The following GNG7 variants were observed in gnomAD, a reference collection of about 807,000 sequenced individuals.
GNG7 encodes the protein guanine nucleotide-binding protein G(I)/G(S)/G(O) subunit gamma-7.
GNG7 carries 1 observed loss-of-function variant against 4.0 expected under a neutral mutation model. The ratio of observed to expected loss-of-function variants is 0.25; its 90% CI spans 0.09 to 1.18. GNG7 has a LOEUF of 1.18. Ranked by LOEUF, GNG7 falls within the 50% of genes most tolerant of loss-of-function variation. GNG7 has a pLI of 0.50. For missense variants in GNG7, 86 were observed against 91.9 expected, an observed-to-expected ratio of 0.94 and a Z score of 0.26; for synonymous variants, 34 against 36.9, an observed-to-expected ratio of 0.92 and a Z score of 0.29.
rs1289376167 is a variant in GNG7 at position 2,700,905 on chromosome 19, T to C, written c.-135+1741A>G. 2.0e-5 allele frequency: 3 copies of C among 152,234 alleles called. No individual in the cohort carries two copies. The East Asian group carries it at 5.8e-4, about 29-fold the overall frequency. 9.4% of individuals were successfully genotyped at this position (152,234 alleles called of 1,614,324 possible). On this transcript the variant is annotated intron_variant, in intron 1 of 4. Coordinates refer to ENST00000382159, the MANE Select transcript of GNG7 (RefSeq NM_052847.3). ...TTGCCTCGCTGACACCTAGCAACCG[T>C]GTGAAGACGCTTAGCTGGGGATCCG...
intron 1 of GNG7, among the ~76,000 whole-genome samples, chr19:2,670,295 T>C (rs1468703): frequency 0.33 from 50,232 of 152,036 alleles, 8,486 homozygotes; most frequent in East Asian, 0.53. Flanking sequence ...CCAGTGGGGA[T>C]AGACCCACCC....
At chr19:2,582,179 A>G (rs1401698734) in intron 2 of GNG7, among the ~76,000 whole-genome samples, 1 of 152,108 alleles carries the variant, frequency 6.6e-6, no homozygotes, top group African/African-American at 2.4e-5. Context: ...AAAGGATGAA[A>G]TTTGAATCAG....
chr19:2,608,155 G>A (rs761225825), intron 2 of GNG7, among the ~76,000 whole-genome samples: 1 of 151,870 alleles, frequency 6.6e-6, no homozygotes, highest in Non-Finnish European at 1.5e-5. Flanking sequence ...TCATGACACA[G>A]AGCGTGGCAC....
chr19:2,609,185 C>A lies in GNG7; in HGVS notation c.-78+37039G>T, dbSNP rs1328733813. Among the ~76,000 whole-genome samples, 1 of 152,064 alleles carries A rather than the reference C, an allele frequency of 6.6e-6. No homozygotes were observed. The highest frequency in any genetic ancestry group is 1.5e-5 in the Non-Finnish European group (1 of 68,018). Reference sequence around the variant, plus strand: ...GGGATTACAGGCATGCACCACCACACCTGGCTAATTTTTAATTTTTCGTAG... The same window carrying A: ...GGGATTACAGGCATGCACCACCACAACTGGCTAATTTTTAATTTTTCGTAG... On this transcript the variant is annotated intron_variant, in intron 2 of 4. Transcript: ENST00000382159. This position sits in a 1 kb window ranked among gnomAD's most constrained non-coding sequence, Gnocchi z 4.4.
At chr19:2,675,714 C>T (rs117267647) in intron 1 of GNG7, among the ~76,000 whole-genome samples, 10,124 of 152,144 alleles carry the variant, frequency 0.067, 434 homozygotes, top group Middle Eastern at 0.18. Flanking sequence ...GGTCTGAGGA[C>T]ATCTGTGGTT....
chr19:2,664,314 AAT>A (rs1983250048), intron 1 of GNG7, among the ~76,000 whole-genome samples: 1 of 152,152 alleles, frequency 6.6e-6, no homozygotes, highest in Non-Finnish European at 1.5e-5. Context: ...CAACCATCTA[AAT>A]ATGTCACCAG....
chr19:2,657,322 AG>A (rs1983000017), intron 1 of GNG7, among the ~76,000 whole-genome samples: 1 of 123,736 alleles, frequency 8.1e-6, no homozygotes, highest in Non-Finnish European at 1.6e-5. Context: ...TGACAAAGCA[AG>A]ACCCCGTCTC....
chr19:2,604,598 C>T (rs993622864), intron 2 of GNG7, among the ~76,000 whole-genome samples: 22 of 122,424 alleles, frequency 1.8e-4, no homozygotes, highest in African/African-American at 7.8e-4. Flanking sequence ...AGTTTTCTGC[C>T]CTAGACACTC....
At chr19:2,702,023 C>T (rs1913413360) in intron 1 of GNG7, among the ~76,000 whole-genome samples, 4 of 148,816 alleles carry the variant, frequency 2.7e-5, no homozygotes, top group Admixed American at 2.7e-4. Flanking sequence ...ATTCCACCAC[C>T]AGCCCCTTCC....
At position 2,512,280 on chromosome 19, in the gene GNG7, C is replaced by T. The variant is rs202163072; in HGVS notation, c.*2742G>A. On this transcript the variant is annotated 3_prime_UTR_variant, in exon 5 of 5. Coordinates refer to ENST00000382159, the MANE Select transcript of GNG7 (RefSeq NM_052847.3). This position sits in a 1 kb window ranked among gnomAD's most constrained non-coding sequence, Gnocchi z 4.7. ...ATTCCCGGCAGAAAAGCACATGTGG[C>T]GGTCGGTGTGTGCACTCGGGTGCCA... The T allele has an allele frequency of 4.7e-3, 4,630 of 985,712 alleles. 15 individuals carry two copies. The highest frequency in any genetic ancestry group is 5.3e-3 in the Non-Finnish European group (4,430 of 829,914). 61.1% of individuals were successfully genotyped at this position (985,712 alleles called of 1,614,324 possible). A position where few individuals can be genotyped will look rare whatever the true frequency, so the allele number is the denominator to read the frequency against.
intron 1 of GNG7, among the ~76,000 whole-genome samples, chr19:2,695,312 C>A (rs1336494943): frequency 6.6e-6 from 1 of 151,544 alleles, no homozygotes; most frequent in African/African-American, 2.4e-5. Context: ...CTTATCACCC[C>A]TGCACCTATT....
chr19:2,656,976 C>T (rs557574715), intron 1 of GNG7, among the ~76,000 whole-genome samples: 1 of 151,974 alleles, frequency 6.6e-6, no homozygotes, highest in Non-Finnish European at 1.5e-5. Context: ...GGGGGTGGGG[C>T]AGCGGAGAGG....
chr19:2,538,464 A>G, intron 3 of GNG7: 1 of 289,644 alleles, frequency 3.5e-6, no homozygotes, highest in Non-Finnish European at 6.9e-6. Flanking sequence ...TCTCTGCAAA[A>G]AAAAAAAAAA....
At chr19:2,520,362 G>A (rs554730613) in intron 4 of GNG7, among the ~76,000 whole-genome samples, 5 of 152,300 alleles carry the variant, frequency 3.3e-5, no homozygotes, top group East Asian at 1.9e-4. Flanking sequence ...CCGTCTCCAC[G>A]GGGCCCCAGT....
At chr19:2,529,828 C>A (rs1978527404) in intron 3 of GNG7, among the ~76,000 whole-genome samples, 1 of 152,132 alleles carries the variant, frequency 6.6e-6, no homozygotes. Context: ...TGAAGAGGGA[C>A]CACACGGTGC....
chr19:2,589,976 T>C (rs981264196), intron 2 of GNG7, among the ~76,000 whole-genome samples: 6 of 152,176 alleles, frequency 3.9e-5, no homozygotes, highest in African/African-American at 1.4e-4. Context: ...CGTACTCAGC[T>C]AATTTTTGTA....
chr19:2,616,690 T>C (rs1981732550), intron 2 of GNG7, among the ~76,000 whole-genome samples: 1 of 151,868 alleles, frequency 6.6e-6, no homozygotes, highest in Non-Finnish European at 1.5e-5. Context: ...GCAGAATTGC[T>C]TGAACCCGGG....
At chr19:2,661,677 A>T (rs1353543792) in intron 1 of GNG7, among the ~76,000 whole-genome samples, 3 of 63,842 alleles carry the variant, frequency 4.7e-5, no homozygotes, top group Non-Finnish European at 6.4e-5. Context: ...CATTAAAAAA[A>T]AAAAAAAAAA....
At chr19:2,586,024 C>G (rs1358197894) in intron 2 of GNG7, among the ~76,000 whole-genome samples, 1 of 152,176 alleles carries the variant, frequency 6.6e-6, no homozygotes, top group East Asian at 1.9e-4. Flanking sequence ...TTTTCAGTAT[C>G]CCTTTTTCTT....
Sources: allele counts gnomAD v4.1 joint callset (sites outside exome capture counted in the v4.1 genomes callset), GRCh38; gene constraint gnomAD v4.1.1; non-coding constraint Gnocchi (gnomAD v3.1); transcripts MANE v1.5; gene names NCBI Gene and HGNC (gene_info 2026-07-23, HGNC 2026-07-21).